CNTNAP2: variants seen among roughly 807,000 people sequenced by gnomAD.
The protein encoded by CNTNAP2 is contactin-associated protein-like 2.
A neutral mutation model predicts 155.2 loss-of-function variants in CNTNAP2; 98 were observed. The ratio of observed to expected loss-of-function variants is 0.63; its 90% confidence interval spans 0.54 to 0.75. The LOEUF is 0.75. Ranked by LOEUF, CNTNAP2 falls within the 30% of genes least tolerant of loss-of-function variation. The pLI, the probability that CNTNAP2 is intolerant of heterozygous loss-of-function variation, is 0.00. For synonymous variants in CNTNAP2, 651 were observed against 631.2 expected, an observed-to-expected ratio of 1.03 and a Z score of -0.47; for missense variants, 1,727 against 1,688.1, an observed-to-expected ratio of 1.02 and a Z score of -0.40.
At chr7:148,067,580 T>A (rs1262791459) in intron 15 of CNTNAP2, among the ~76,000 whole-genome samples, 1 of 152,236 alleles carries the variant, frequency 6.6e-6, no homozygotes, top group Non-Finnish European at 1.5e-5. Flanking sequence ...GAATGTTGGT[T>A]GTGCTAGCAG....
At chr7:146,570,208 A>T in intron 1 of CNTNAP2, among the ~76,000 whole-genome samples, 1 of 74,136 alleles carries the variant, frequency 1.3e-5, no homozygotes, top group East Asian at 3.3e-4. Flanking sequence ...CTGTAGACAC[A>T]GCCCATTTTT....
At chr7:146,234,956 T>G in intron 1 of CNTNAP2, among the ~76,000 whole-genome samples, 1 of 152,178 alleles carries the variant, frequency 6.6e-6, no homozygotes, top group African/African-American at 2.4e-5. Context: ...TATTTATTCC[T>G]TGGAGAGGTG....
intron 9 of CNTNAP2, among the ~76,000 whole-genome samples, chr7:147,302,266 T>G (rs1794957945): frequency 6.6e-6 from 1 of 152,222 alleles, no homozygotes; most frequent in African/African-American, 2.4e-5. Context: ...CTGGAATATT[T>G]TTGGCCATAC....
At chr7:148,414,099 T>TTCCCCC (rs1799921560) in intron 23 of CNTNAP2, among the ~76,000 whole-genome samples, 1 of 115,176 alleles carries the variant, frequency 8.7e-6, no homozygotes, top group African/African-American at 3.3e-5. Flanking sequence ...TTAGACAGAG[T>TTCCCCC]CCCCCCCCCC....
chr7:146,325,318 C>T (rs963026833), intron 1 of CNTNAP2, among the ~76,000 whole-genome samples: 2 of 152,016 alleles, frequency 1.3e-5, no homozygotes, highest in Non-Finnish European at 2.9e-5. Context: ...TTAAAATGTA[C>T]AATATATGTA....
At chr7:148,247,621 CTCTCTATTTATTTATTTATTTA>C (rs761550320) in intron 20 of CNTNAP2, among the ~76,000 whole-genome samples, 45 of 132,872 alleles carry the variant, frequency 3.4e-4, no homozygotes, top group African/African-American at 1.4e-3. Flanking sequence ...CTCTCTCTCT[CTCTCTATTTATTTATTTATTTA>C]TTTATTTATT....
intron 15 of CNTNAP2, among the ~76,000 whole-genome samples, chr7:148,079,097 C>G (rs1803550127): frequency 6.6e-6 from 1 of 152,094 alleles, no homozygotes; most frequent in African/African-American, 2.4e-5. Context: ...ATGTTGTCAA[C>G]AGAAAGAGTC....
intron 3 of CNTNAP2, among the ~76,000 whole-genome samples, chr7:146,859,622 G>T (rs1585125914): frequency 1.3e-5 from 2 of 151,808 alleles, no homozygotes; most frequent in African/African-American, 4.8e-5. Context: ...GCACACCGTT[G>T]CACTCCAGCC....
intron 1 of CNTNAP2, among the ~76,000 whole-genome samples, chr7:146,620,531 T>A (rs772553313): frequency 1.5e-4 from 23 of 152,144 alleles, no homozygotes; most frequent in Non-Finnish European, 5.9e-5. Flanking sequence ...AGACTAATGG[T>A]GGAAGTTTCT....
rs377149976 is a variant in CNTNAP2 at position 147,551,091 on chromosome 7, CATT to C, written c.1778-11044_1778-11042del. Among the ~76,000 whole-genome samples the C allele has an allele frequency of 1.7e-3, 254 of 152,228 alleles. 3 individuals carry two copies. Among genetic ancestry groups the C allele is most frequent in the African/African-American group, 5.7e-3 (237 of 41,534 alleles). ...TGGTTCTTATGTGCATTAAGGTAAA[CATT>C]ATCCAGAAATATGTAGGCTTTCTTG... On this transcript the variant is annotated intron_variant, in intron 11 of 23. Coordinates refer to ENST00000361727, the MANE Select transcript of CNTNAP2 (RefSeq NM_014141.6).
chr7:146,415,473 G>A (rs1166618322), intron 1 of CNTNAP2, among the ~76,000 whole-genome samples: 1 of 152,114 alleles, frequency 6.6e-6, no homozygotes, highest in African/African-American at 2.4e-5. Context: ...AGTACAGCTA[G>A]TAAAATGACA....
intron 1 of CNTNAP2, among the ~76,000 whole-genome samples, chr7:146,682,394 A>T (rs927504531): frequency 7.2e-5 from 11 of 152,194 alleles, no homozygotes; most frequent in Non-Finnish European, 1.6e-4. Context: ...GGAACCGTTT[A>T]TAGTAAGGAC....
chr7:146,517,719 A>C (rs1346782109), intron 1 of CNTNAP2, among the ~76,000 whole-genome samples: 1 of 151,924 alleles, frequency 6.6e-6, no homozygotes, highest in Non-Finnish European at 1.5e-5. Flanking sequence ...CATTAATGGA[A>C]GCAGAGACCA....
intron 18 of CNTNAP2, among the ~76,000 whole-genome samples, chr7:148,207,190 A>C (rs1004139496): frequency 1.3e-5 from 2 of 152,268 alleles, no homozygotes; most frequent in African/African-American, 4.8e-5. Flanking sequence ...TATAACAAGG[A>C]GCTATGGGAC....
intron 1 of CNTNAP2, among the ~76,000 whole-genome samples, chr7:146,304,566 A>T (rs1346255227): frequency 6.7e-6 from 1 of 150,330 alleles, no homozygotes; most frequent in Non-Finnish European, 1.5e-5. Flanking sequence ...TGGGTTGGAA[A>T]CTCTTTTCTT....
chr7:147,414,543 T>C (rs1358067051), intron 10 of CNTNAP2, among the ~76,000 whole-genome samples: 1 of 152,180 alleles, frequency 6.6e-6, no homozygotes, highest in Non-Finnish European at 1.5e-5. Flanking sequence ...TATCAGCAGC[T>C]TTTTCTTAAT....
At chr7:146,293,563 T>A (rs1800465504) in intron 1 of CNTNAP2, among the ~76,000 whole-genome samples, 1 of 152,144 alleles carries the variant, frequency 6.6e-6, no homozygotes, top group African/African-American at 2.4e-5. Context: ...CTAAGTACAC[T>A]AGTACATTTG....
At chr7:147,263,683 C>T (rs528051099) in intron 8 of CNTNAP2, among the ~76,000 whole-genome samples, 2 of 152,162 alleles carry the variant, frequency 1.3e-5, no homozygotes, top group South Asian at 2.1e-4. Context: ...GTTCTCTACC[C>T]GGAAGGAGTG....
At chr7:147,296,400 A>G (rs570588749) in intron 8 of CNTNAP2, among the ~76,000 whole-genome samples, 2 of 152,352 alleles carry the variant, frequency 1.3e-5, no homozygotes, top group East Asian at 1.9e-4. Context: ...TTCAGTAAAC[A>G]CTGCTGCTTG....
Sources: allele counts gnomAD v4.1 joint callset (sites outside exome capture counted in the v4.1 genomes callset), GRCh38; gene constraint gnomAD v4.1.1; transcripts MANE v1.5; gene names NCBI Gene and HGNC (gene_info 2026-07-23, HGNC 2026-07-21).